CPQ: variants seen among roughly 807,000 people sequenced by gnomAD.
CPQ encodes carboxypeptidase Q.
In CPQ, 37 loss-of-function variants were observed where a neutral mutation model predicts 45.7. That is an observed-to-expected ratio of 0.81 (90% confidence interval 0.62 to 1.07). The LOEUF is 1.07. Among genes scored for constraint, CPQ ranks in the 50% least tolerant of loss-of-function variants. CPQ has a pLI of 0.00. For synonymous variants in CPQ, 186 were observed against 205.8 expected, an observed-to-expected ratio of 0.90 and a Z score of 0.82; for missense variants, 537 against 572.9, an observed-to-expected ratio of 0.94 and a Z score of 0.64.
rs1020015681 is a variant in CPQ, at chr8:97,122,672, G to A, written c.1256-20348G>A. Among the ~76,000 whole-genome samples, 4 of 151,880 alleles carry A rather than the reference G, an allele frequency of 2.6e-5. No homozygotes were observed. In the East Asian group the frequency reaches 5.8e-4, roughly 22 times the overall value. The stretch of plus-strand genomic sequence containing the variant: ...AGGCCAAGGCACGCGGATCATTGAG[G>A]TCCGGAGTTTGAGAACAGGCTGACC... On this transcript the variant is annotated intron_variant, in intron 7 of 7. Coordinates refer to ENST00000220763, the MANE Select transcript of CPQ (RefSeq NM_016134.4).
intron 4 of CPQ, among the ~76,000 whole-genome samples, chr8:96,887,176 G>C (rs1394081243): frequency 6.6e-6 from 1 of 152,134 alleles, no homozygotes; most frequent in African/African-American, 2.4e-5. Context: ...AACAGAAAAA[G>C]CCAAAATAGA....
At chr8:97,039,068 G>T (rs928218465) in intron 6 of CPQ, among the ~76,000 whole-genome samples, 2 of 152,128 alleles carry the variant, frequency 1.3e-5, no homozygotes, top group African/African-American at 2.4e-5. Context: ...GGTTGCAGTT[G>T]TTTCCCTGTA....
intron 4 of CPQ, among the ~76,000 whole-genome samples, chr8:96,892,861 G>A (rs1458653023): frequency 3.3e-5 from 5 of 152,140 alleles, no homozygotes; most frequent in Non-Finnish European, 5.9e-5. Context: ...CAAGCAGGAG[G>A]ATGTGATCTT....
At chr8:96,665,392 A>G (rs558619607) in intron 1 of CPQ, among the ~76,000 whole-genome samples, 3 of 152,350 alleles carry the variant, frequency 2.0e-5, no homozygotes, top group Middle Eastern at 3.4e-3. Flanking sequence ...AAGAATGTCA[A>G]GAGAACAGAA....
chr8:96,792,174 C>T (rs1002954391), intron 2 of CPQ, among the ~76,000 whole-genome samples: 3 of 152,130 alleles, frequency 2.0e-5, no homozygotes, highest in Non-Finnish European at 4.4e-5. Context: ...TTGAAGAAGG[C>T]AGATATACAA....
At chr8:96,664,070 A>G (rs1216396523) in intron 1 of CPQ, among the ~76,000 whole-genome samples, 2 of 152,226 alleles carry the variant, frequency 1.3e-5, no homozygotes, top group South Asian at 2.1e-4. Context: ...AAAATGATCT[A>G]TGTAAAATGC....
chr8:96,925,751 G>A (rs1474345283), intron 4 of CPQ, among the ~76,000 whole-genome samples: 2 of 150,194 alleles, frequency 1.3e-5, no homozygotes, highest in African/African-American at 2.5e-5. Context: ...GTGCAGTGGC[G>A]CGATCTCAGC....
At chr8:96,864,078 C>T (rs1028854566) in intron 3 of CPQ, among the ~76,000 whole-genome samples, 9 of 151,952 alleles carry the variant, frequency 5.9e-5, no homozygotes, top group African/African-American at 9.7e-5. Flanking sequence ...CAGACATTTA[C>T]GGAAATAGCT....
At chr8:96,775,227 C>G (rs1450694819) in intron 1 of CPQ, among the ~76,000 whole-genome samples, 1 of 152,092 alleles carries the variant, frequency 6.6e-6, no homozygotes, top group African/African-American at 2.4e-5. Flanking sequence ...CACAATTCCT[C>G]TTTTTTAAAA....
At chr8:96,845,701 G>A (rs1811677236) in intron 3 of CPQ, among the ~76,000 whole-genome samples, 1 of 152,138 alleles carries the variant, frequency 6.6e-6, no homozygotes, top group Admixed American at 6.5e-5. Flanking sequence ...TAAATCTATA[G>A]TAAGGCTGAA....
chr8:96,711,087 C>A (rs902798500), intron 1 of CPQ, among the ~76,000 whole-genome samples: 13 of 151,938 alleles, frequency 8.6e-5, no homozygotes, highest in Non-Finnish European at 1.9e-4. Flanking sequence ...TTTTGCCCCC[C>A]CTTTTTTTCT....
At chr8:97,056,322 A>C (rs1810455586) in intron 6 of CPQ, 1 of 152,190 alleles carries the variant, frequency 6.6e-6, no homozygotes, top group African/African-American at 2.4e-5. Context: ...ATGAGCCTAA[A>C]TAAGGGTTCC....
intron 4 of CPQ, among the ~76,000 whole-genome samples, chr8:96,900,605 A>T (rs1812501429): frequency 6.6e-6 from 1 of 152,170 alleles, no homozygotes. Context: ...AACAAATGGA[A>T]CTTTTATATT....
At chr8:96,870,970 A>G (rs1021499729) in intron 3 of CPQ, among the ~76,000 whole-genome samples, 3 of 151,990 alleles carry the variant, frequency 2.0e-5, no homozygotes, top group African/African-American at 4.8e-5. Flanking sequence ...GGGGAAGAAA[A>G]TTTTAAATCA....
chr8:97,073,449 C>A (rs1251358719), intron 7 of CPQ, among the ~76,000 whole-genome samples: 1 of 152,188 alleles, frequency 6.6e-6, no homozygotes, highest in Non-Finnish European at 1.5e-5. Context: ...TTTAATGGTG[C>A]CTCCCTTATG....
chr8:97,140,445 T>C (rs1812140011), intron 7 of CPQ, among the ~76,000 whole-genome samples: 1 of 151,916 alleles, frequency 6.6e-6, no homozygotes, highest in East Asian at 1.9e-4. Flanking sequence ...ACAGAAAATG[T>C]AGGTTTTTCA....
At chr8:96,846,554 C>T (rs781163374) in intron 3 of CPQ, among the ~76,000 whole-genome samples, 78 of 152,210 alleles carry the variant, frequency 5.1e-4, no homozygotes, top group Middle Eastern at 3.4e-3. Context: ...ATTCATTACT[C>T]AATATTTTGC....
chr8:96,942,370 G>C (rs1263600756), intron 4 of CPQ, among the ~76,000 whole-genome samples: 1 of 152,168 alleles, frequency 6.6e-6, no homozygotes, highest in African/African-American at 2.4e-5. Context: ...TATAGAGGCA[G>C]GTTACTTGGA....
At position 96,936,943 on chromosome 8, in the gene CPQ, G is replaced by C. The variant is rs147911496; in HGVS notation, c.850-28992G>C. Among the ~76,000 whole-genome samples, 253 of 152,128 alleles carry C rather than the reference G, an allele frequency of 1.7e-3. 1 individual carries two copies. The highest frequency in any genetic ancestry group is 5.8e-3 in the African/African-American group (239 of 41,514). On this transcript the variant is annotated intron_variant, in intron 4 of 7. Transcript: ENST00000220763. ...TTGTATTGTCATATGTATGGATTTA[G>C]CAGCATGTGATATCTTTCCTTCCTT...
Sources: gnomAD v4.1 joint callset for allele counts (sites outside exome capture counted in the v4.1 genomes callset) on GRCh38, gnomAD v4.1.1 for gene constraint, MANE v1.5 for transcripts, NCBI Gene and HGNC (gene_info 2026-07-23, HGNC 2026-07-21) for gene names.